The following KCNQ1 variants were observed in gnomAD, a reference collection of about 807,000 sequenced individuals.
The protein encoded by KCNQ1 is potassium voltage-gated channel subfamily KQT member 1.
A neutral mutation model predicts 72.4 loss-of-function variants in KCNQ1; 49 were observed. The observed-to-expected ratio is 0.68, with a 90% CI of 0.54 to 0.86. KCNQ1 has a LOEUF of 0.86. KCNQ1 is among the 40% of genes least tolerant of loss of function. The probability of loss-of-function intolerance (pLI) is 0.00; values close to 1 mark genes in which losing one functional copy is unlikely to be tolerated. For missense variants in KCNQ1, 790 were observed against 945.1 expected (o/e 0.84, Z 2.15); for synonymous variants, 450 against 412.6 (o/e 1.09, Z -1.10).
intron 11 of KCNQ1, among the ~76,000 whole-genome samples, chr11:2,758,816 A>C (rs896920112): frequency 2.0e-5 from 3 of 152,314 alleles, no homozygotes; most frequent in Admixed American, 6.5e-5. Context: ...ATGCTGTGTG[A>C]TTCCGTATAG....
At chr11:2,706,438 C>G (rs921883882) in intron 11 of KCNQ1, among the ~76,000 whole-genome samples, 2 of 152,236 alleles carry the variant, frequency 1.3e-5, no homozygotes, top group African/African-American at 4.8e-5. Flanking sequence ...AGACAGCAGC[C>G]CTGGTCTACA....
At chr11:2,694,652 C>T (rs556273344) in intron 11 of KCNQ1, 227 of 398,624 alleles carry the variant, frequency 5.7e-4, no homozygotes, top group Middle Eastern at 2.5e-3. Context: ...CTGTGACACA[C>T]CCACCATGTG....
rs376056841 is a variant in KCNQ1, at chr11:2,467,045, C to T, written c.386+21561C>T. On this transcript the variant is annotated intron_variant, in intron 1 of 15. Transcript: ENST00000155840. ...GAGGGAGTGCCTTCCAGGGGAAGCC[C>T]GACAGATGGGGGCACTCCAGGCAGG... Among the ~76,000 whole-genome samples, 28 of 152,218 alleles carry T rather than the reference C, an allele frequency of 1.8e-4. 1 individual carries two copies. The South Asian group carries it at 5.4e-3, about 29-fold the overall frequency.
chr11:2,588,762 G>C lies in KCNQ1; in HGVS notation c.1301G>C (p.Gly434Ala), dbSNP rs1480037017. 6.2e-7 allele frequency: 1 copy of C among 1,613,646 alleles called. No individual in the cohort carries two copies. The highest frequency in any genetic ancestry group is 8.5e-7 in the Non-Finnish European group (1 of 1,180,006). The change falls in exon 10 of 16, where the codon GGA (glycine) becomes GCA (alanine). Residue 434 changes from glycine (G) to alanine (A), a missense_variant. Gly to Ala is a moderately conservative substitution (Grantham distance 60). Around this residue, in one of 5 missense-constraint regions of KCNQ1, gnomAD observed 178 missense variants for 177.9 expected, o/e 1.00. Transcript: ENST00000155840. The surrounding 1 kb of genome is among the most constrained non-coding windows in gnomAD (Gnocchi z 5.6). Reference protein sequence around the residue: ...KLDKDNGVTPGEKMLTVPHIT... With the variant: ...KLDKDNGVTPAEKMLTVPHIT... ...GACAAAGACAATGGGGTGACTCCTG[G>C]AGAGAAGATGCTCACAGTCCCCCAT...
rs1848843560 is a variant in KCNQ1 at position 2,603,960 on chromosome 11, G to A, written c.1393+15106G>A. ...CCCACCTCGGCCTCCTAACCTGCTG[G>A]GACCACAGGCGTGAGCCACTGCACC... is the stretch of plus-strand genomic sequence containing the variant. On this transcript the variant is annotated intron_variant, in intron 10 of 15. Transcript: ENST00000155840. The surrounding 1 kb of genome is among the most constrained non-coding windows in gnomAD (Gnocchi z 4.1). 6.6e-6 allele frequency among the ~76,000 whole-genome samples: 1 copy of A among 151,992 alleles called. No individual in the cohort carries two copies. The highest frequency in any genetic ancestry group is 1.5e-5 in the Non-Finnish European group (1 of 68,008).
In KCNQ1 at chr11:2,815,053, A is replaced by G. The variant is rs138260726; in HGVS notation, c.1795-32714A>G. On this transcript the variant is annotated intron_variant, in intron 15 of 15. Coordinates refer to ENST00000155840, the MANE Select transcript of KCNQ1 (RefSeq NM_000218.3). This position sits in a 1 kb window ranked among gnomAD's most constrained non-coding sequence, Gnocchi z 5.4. ...ACTGTGGGCAGGAGTTGTCCTAGCAACCATCATCCAGGCACCTGCTGCGTG... is the reference window on the plus strand; with the variant it reads ...ACTGTGGGCAGGAGTTGTCCTAGCAGCCATCATCCAGGCACCTGCTGCGTG... 2.9e-3 allele frequency among the ~76,000 whole-genome samples: 440 copies of G among 152,314 alleles called. 3 individuals carry two copies. The highest frequency in any genetic ancestry group is 0.01 in the Middle Eastern group (3 of 294).
At position 2,475,401 on chromosome 11, in the gene KCNQ1, G is replaced by T. The variant is rs1261351932; in HGVS notation, c.386+29917G>T. ...CTGCCTTTGGCTGTTGTGGCTAGAGGCTCCTTCCTGAAAGCCTGATACTTA... is the reference window on the plus strand; with the variant it reads ...CTGCCTTTGGCTGTTGTGGCTAGAGTCTCCTTCCTGAAAGCCTGATACTTA... On this transcript the variant is annotated intron_variant, in intron 1 of 15. Transcript: ENST00000155840. The surrounding 1 kb of genome is among the most constrained non-coding windows in gnomAD (Gnocchi z 5.8). Among the ~76,000 whole-genome samples, 1 of 152,176 alleles carries T rather than the reference G, an allele frequency of 6.6e-6. No homozygotes were observed. The highest frequency in any genetic ancestry group is 2.4e-5 in the African/African-American group (1 of 41,418).
chr11:2,530,972 C>T (rs1847614468), intron 2 of KCNQ1, among the ~76,000 whole-genome samples: 1 of 152,160 alleles, frequency 6.6e-6, no homozygotes, highest in Non-Finnish European at 1.5e-5. Context: ...CCCAGGTGGC[C>T]TGGGACTTGC....
intron 1 of KCNQ1, among the ~76,000 whole-genome samples, chr11:2,472,284 GGT>G (rs1342231087): frequency 1.3e-5 from 2 of 149,460 alleles, no homozygotes; most frequent in African/African-American, 2.5e-5. Flanking sequence ...CATGTGTATA[GGT>G]GTGTGTTTTA....
chr11:2,657,617 T>C lies in KCNQ1; in HGVS notation c.1394-4344T>C, dbSNP rs867741364. On this transcript the variant is annotated intron_variant, in intron 10 of 15. Transcript: ENST00000155840. This position sits in a 1 kb window ranked among gnomAD's most constrained non-coding sequence, Gnocchi z 4.8. ...ACCAAAACTAAAAAATTAACATTGG[T>C]ACACTATTAAGCTAGAGTTATAAAT... is the stretch of plus-strand genomic sequence containing the variant. 5.5e-5 allele frequency: 22 copies of C among 398,500 alleles called. No individual in the cohort carries two copies. The highest frequency in any genetic ancestry group is 3.9e-4 in the African/African-American group (19 of 48,638). 24.7% of individuals were successfully genotyped at this position (398,500 alleles called of 1,614,324 possible).
chr11:2,666,472 C>G, intron 11 of KCNQ1: 1 of 398,686 alleles, frequency 2.5e-6, no homozygotes. Flanking sequence ...CAGAATCTCA[C>G]GCCAAGACAT....
chr11:2,583,632 C>T (rs1354360358), intron 7 of KCNQ1, 87 bp downstream of exon 7: 2 of 888,404 alleles, frequency 2.3e-6, no homozygotes, highest in Non-Finnish European at 3.8e-6. Context: ...TGAGCAGACC[C>T]ACTTACGTTC....
rs1848784947 is a variant in KCNQ1 at position 2,600,387 on chromosome 11, T to C, written c.1393+11533T>C. ...TACAAGCACGAGATATAAAAACACC[T>C]ACATACCCTTCACTAAGATTTACCA... On this transcript the variant is annotated intron_variant, in intron 10 of 15. Coordinates refer to ENST00000155840, the MANE Select transcript of KCNQ1 (RefSeq NM_000218.3). This position sits in a 1 kb window ranked among gnomAD's most constrained non-coding sequence, Gnocchi z 5.6. Among the ~76,000 whole-genome samples, 1 of 152,222 alleles carries C rather than the reference T, an allele frequency of 6.6e-6. No homozygotes were observed. The highest frequency in any genetic ancestry group is 1.5e-5 in the Non-Finnish European group (1 of 68,030).
chr11:2,621,586 T>C lies in KCNQ1; in HGVS notation c.1393+32732T>C. 5.0e-6 allele frequency: 2 copies of C among 398,538 alleles called. No individual in the cohort carries two copies. Among genetic ancestry groups the C allele is most frequent in the Non-Finnish European group, 8.8e-6 (2 of 226,036 alleles). The allele number at this position is 398,538 out of a possible 1,614,324, so 24.7% of individuals were successfully genotyped here. On this transcript the variant is annotated intron_variant, in intron 10 of 15. Coordinates refer to ENST00000155840, the MANE Select transcript of KCNQ1 (RefSeq NM_000218.3). The surrounding 1 kb of genome is among the most constrained non-coding windows in gnomAD (Gnocchi z 5.7). Reference sequence around the variant, plus strand: ...CTCTTTGCTATTGGTCTGTTCAGGCTTTCTATTCCTGATTTAATCTTAGCA... The same window carrying C: ...CTCTTTGCTATTGGTCTGTTCAGGCCTTCTATTCCTGATTTAATCTTAGCA...
At position 2,592,313 on chromosome 11, in the gene KCNQ1, G is replaced by T. The variant is rs908105114; in HGVS notation, c.1393+3459G>T. On this transcript the variant is annotated intron_variant, in intron 10 of 15. Transcript: ENST00000155840. This position sits in a 1 kb window ranked among gnomAD's most constrained non-coding sequence, Gnocchi z 5.2. ...TGAGCCTGTCGAGAGGCACAGGCAG[G>T]TATGGCAGTGGCAGACCTCAGGGGA... Among the ~76,000 whole-genome samples the T allele has an allele frequency of 2.6e-5, 4 of 152,354 alleles. No homozygotes were observed. Among genetic ancestry groups the T allele is most frequent in the Admixed American group, 2.6e-4 (4 of 15,304 alleles).
At position 2,687,754 on chromosome 11, in the gene KCNQ1, AGAG is replaced by A. The variant is rs1454359613; in HGVS notation, c.1514+25677_1514+25679del. The A allele has an allele frequency of 5.0e-6, 2 of 398,558 alleles. No individual in the cohort carries two copies. The highest frequency in any genetic ancestry group is 2.1e-5 in the African/African-American group (1 of 48,638). The allele number at this position is 398,558 out of a possible 1,614,324, so 24.7% of individuals were successfully genotyped here. ...CCAGCAAATCATGGGGAGACTGAGA[AGAG>A]GAGCCCCTTAGCAGGCCTAACCACA... On this transcript the variant is annotated intron_variant, in intron 11 of 15. Transcript: ENST00000155840. The surrounding 1 kb of genome is among the most constrained non-coding windows in gnomAD (Gnocchi z 5.0).
Position 2,550,349 on chromosome 11 carries a change from C to T in KCNQ1, c.478-20279C>T, listed in dbSNP as rs72847681. ...TGCATCCTTGCCGTCACCCCTCACACCCCCTGCTAGGGTCCCTCTGGGGGT... is the reference window on the plus strand; with the variant it reads ...TGCATCCTTGCCGTCACCCCTCACATCCCCTGCTAGGGTCCCTCTGGGGGT... On this transcript the variant is annotated intron_variant, in intron 2 of 15. Transcript: ENST00000155840. The surrounding 1 kb of genome is among the most constrained non-coding windows in gnomAD (Gnocchi z 6.0). Among the ~76,000 whole-genome samples the T allele has an allele frequency of 3.3e-5, 5 of 152,302 alleles. No homozygotes were observed. The highest frequency in any genetic ancestry group is 4.4e-5 in the Non-Finnish European group (3 of 68,008).
rs116677934 is a variant in KCNQ1, at chr11:2,740,291, C to A, written c.1515-28553C>A. Reference sequence around the variant, plus strand: ...CAACTAACAAATTCAGCAAATTCTTCTTTTTATTGTGTATGTTCGACAACT... The same window carrying A: ...CAACTAACAAATTCAGCAAATTCTTATTTTTATTGTGTATGTTCGACAACT... On this transcript the variant is annotated intron_variant, in intron 11 of 15. Coordinates refer to ENST00000155840, the MANE Select transcript of KCNQ1 (RefSeq NM_000218.3). Among the ~76,000 whole-genome samples the A allele has an allele frequency of 5.2e-3, 790 of 152,306 alleles. 7 individuals carry two copies. Among genetic ancestry groups the A allele is most frequent in the African/African-American group, 0.018 (759 of 41,570 alleles).
At chr11:2,649,905 T>A (rs1047127507) in intron 10 of KCNQ1, 1 of 398,374 alleles carries the variant, frequency 2.5e-6, no homozygotes, top group African/African-American at 2.1e-5. Flanking sequence ...TCCCAACACT[T>A]CTTCTGGAAC....
Sources: allele counts gnomAD v4.1 joint callset (sites outside exome capture counted in the v4.1 genomes callset), GRCh38; gene constraint gnomAD v4.1.1; regional missense constraint gnomAD v4.1.1; non-coding constraint Gnocchi (gnomAD v3.1); transcripts MANE v1.5; gene names NCBI Gene and HGNC (gene_info 2026-07-23, HGNC 2026-07-21).